Variants in EHD4 observed in about 807,000 individuals in gnomAD.
EHD4 encodes EH domain containing 4.
In EHD4, 37 loss-of-function variants were observed where a neutral mutation model predicts 51.0. The ratio of observed to expected loss-of-function variants is 0.73; its 90% CI spans 0.56 to 0.95. The LOEUF is 0.95. Among genes scored for constraint, EHD4 ranks in the 40% least tolerant of loss-of-function variants. EHD4 has a pLI of 0.00. For missense variants in EHD4, 632 were observed against 733.1 expected (o/e 0.86, Z 1.59); for synonymous variants, 297 against 317.3 (o/e 0.94, Z 0.68).
chr15:41,939,632 A>G (rs2067753988), intron 3 of EHD4, among the ~76,000 whole-genome samples: 1 of 150,946 alleles, frequency 6.6e-6, no homozygotes, highest in South Asian at 2.1e-4. Context: ...AAACCCCGTC[A>G]CTTCTAAAAA....
At chr15:41,936,438 C>T (rs1036961239) in intron 3 of EHD4, among the ~76,000 whole-genome samples, 2 of 152,108 alleles carry the variant, frequency 1.3e-5, no homozygotes, top group Non-Finnish European at 2.9e-5. Flanking sequence ...TAACAATGCA[C>T]TATGAGAGTA....
chr15:41,909,897 T>C lies in EHD4; in HGVS notation c.925-34A>G, dbSNP rs151087664. 1.4e-4 allele frequency: 233 copies of C among 1,611,886 alleles called. No homozygotes were observed. The African/African-American group carries it at 2.4e-3, about 17-fold the overall frequency. On this transcript the variant is annotated intron_variant, in intron 4 of 5. Coordinates refer to ENST00000220325, the MANE Select transcript of EHD4 (RefSeq NM_139265.4). ...GTATAGATCAGGCAGGGAAGTGTCA[T>C]TTAGAATTGCATCAGAGAAGGAACA...
At chr15:41,907,569 G>T (rs890938223) in intron 5 of EHD4, among the ~76,000 whole-genome samples, 1 of 152,114 alleles carries the variant, frequency 6.6e-6, no homozygotes, top group Non-Finnish European at 1.5e-5. Context: ...GTCCTGGCTG[G>T]AGTGCAGTGG....
intron 2 of EHD4, among the ~76,000 whole-genome samples, chr15:41,944,668 A>T (rs1229810816): frequency 6.6e-6 from 1 of 152,208 alleles, no homozygotes; most frequent in Non-Finnish European, 1.5e-5. Flanking sequence ...AGACATTAGG[A>T]TCCTTTTGCA....
At chr15:41,919,914 A>C (rs1195162459) in intron 3 of EHD4, among the ~76,000 whole-genome samples, 2 of 152,170 alleles carry the variant, frequency 1.3e-5, no homozygotes, top group African/African-American at 2.4e-5. Flanking sequence ...TGAGTGTTTT[A>C]TTTCACCTAA....
chr15:41,921,177 C>T (rs962684251), intron 3 of EHD4, among the ~76,000 whole-genome samples: 18 of 152,138 alleles, frequency 1.2e-4, no homozygotes, highest in Non-Finnish European at 2.4e-4. Context: ...ACTAGCAGGC[C>T]GCTGTCCTGA....
intron 1 of EHD4, among the ~76,000 whole-genome samples, chr15:41,958,004 C>T (rs980895354): frequency 6.6e-6 from 1 of 152,134 alleles, no homozygotes; most frequent in Admixed American, 6.5e-5. Flanking sequence ...ACGGGATAGA[C>T]AGCCTGATCA....
intron 1 of EHD4, 129 bp from the exon 2 acceptor site, chr15:41,954,069 C>G (rs1051995186): frequency 1.0e-6 from 1 of 989,636 alleles, no homozygotes; most frequent in South Asian, 1.5e-5. Flanking sequence ...CCAAGAAAAG[C>G]ACGCAATCCT....
chr15:41,907,722 A>G (rs1026518876), intron 5 of EHD4, among the ~76,000 whole-genome samples: 1 of 151,642 alleles, frequency 6.6e-6, no homozygotes, highest in Non-Finnish European at 1.5e-5. Context: ...GGGTTTCACT[A>G]CGTTGCACAG....
intron 5 of EHD4, among the ~76,000 whole-genome samples, chr15:41,903,345 A>AAC (rs2067490936): frequency 5.9e-5 from 5 of 84,984 alleles, no homozygotes; most frequent in Non-Finnish European, 1.2e-4. Flanking sequence ...AAAAAAACAG[A>AAC]AAAAACTGGT....
chr15:41,954,431 A>G (rs1466588670), intron 1 of EHD4, among the ~76,000 whole-genome samples: 2 of 152,168 alleles, frequency 1.3e-5, no homozygotes, highest in Non-Finnish European at 2.9e-5. Flanking sequence ...CCTGCAACTA[A>G]CAATCTATTT....
At chr15:41,914,420 G>C (rs541877812) in intron 4 of EHD4, among the ~76,000 whole-genome samples, 1 of 152,148 alleles carries the variant, frequency 6.6e-6, no homozygotes, top group African/African-American at 2.4e-5. Flanking sequence ...AACCCATGGG[G>C]TAACAAGAGT....
intron 2 of EHD4, among the ~76,000 whole-genome samples, chr15:41,947,238 G>T (rs1211326851): frequency 3.9e-5 from 6 of 152,218 alleles, no homozygotes; most frequent in Non-Finnish European, 7.3e-5. Context: ...ACAAAGGGGT[G>T]ACGTGCCACA....
At chr15:41,913,267 T>G (rs2067561650) in intron 4 of EHD4, among the ~76,000 whole-genome samples, 1 of 152,226 alleles carries the variant, frequency 6.6e-6, no homozygotes, top group African/African-American at 2.4e-5. Context: ...AGATCACTCC[T>G]GCAATTATGT....
At chr15:41,921,437 A>G (rs981287497) in intron 3 of EHD4, 23 of 152,222 alleles carry the variant, frequency 1.5e-4, no homozygotes, top group African/African-American at 5.5e-4. Context: ...AAAGGCCAGA[A>G]CAAACTGCCT....
intron 3 of EHD4, among the ~76,000 whole-genome samples, chr15:41,934,979 A>T (rs1399558912): frequency 6.6e-6 from 1 of 152,090 alleles, no homozygotes; most frequent in Non-Finnish European, 1.5e-5. Flanking sequence ...AAATCTATGC[A>T]CTTCCCCAGG....
chr15:41,901,656 G>A (rs1299338738), intron 5 of EHD4, among the ~76,000 whole-genome samples: 1 of 152,200 alleles, frequency 6.6e-6, no homozygotes, highest in African/African-American at 2.4e-5. Flanking sequence ...TGCTCTCTGT[G>A]CTGGAACACA....
intron 5 of EHD4, among the ~76,000 whole-genome samples, chr15:41,906,516 C>T (rs2067512988): frequency 6.6e-6 from 1 of 152,192 alleles, no homozygotes; most frequent in African/African-American, 2.4e-5. Flanking sequence ...TTGGGACCCA[C>T]CAAACGCAGG....
chr15:41,901,563 T>C (rs1166536579), intron 5 of EHD4, among the ~76,000 whole-genome samples: 1 of 152,168 alleles, frequency 6.6e-6, no homozygotes, highest in East Asian at 1.9e-4. Context: ...GGGGCAGGCA[T>C]TTAGAACCAC....
Sources: gnomAD v4.1 joint callset for allele counts (sites outside exome capture counted in the v4.1 genomes callset) on GRCh38, gnomAD v4.1.1 for gene constraint, MANE v1.5 for transcripts, NCBI Gene and HGNC (gene_info 2026-07-23, HGNC 2026-07-21) for gene names.